CATSPER3: variants seen among roughly 807,000 people sequenced by gnomAD.
The protein encoded by CATSPER3 is cation channel sperm associated 3.
In CATSPER3, 23 loss-of-function variants were observed where a neutral mutation model predicts 36.6. The ratio of observed to expected loss-of-function variants is 0.63; its 90% CI spans 0.45 to 0.89. The LOEUF is 0.89. Ranked by LOEUF, CATSPER3 falls within the 40% of genes least tolerant of loss-of-function variation. The pLI is 0.00. For missense variants in CATSPER3, 474 were observed against 503.9 expected (o/e 0.94, Z 0.57); for synonymous variants, 172 against 184.1 (o/e 0.93, Z 0.53).
At position 135,010,366 on chromosome 5, in the gene CATSPER3, T is replaced by C; in HGVS notation, c.937-7T>C. The C allele has an allele frequency of 6.2e-7, 1 of 1,613,698 alleles. No homozygotes were observed. Among genetic ancestry groups the C allele is most frequent in the Non-Finnish European group, 8.5e-7 (1 of 1,179,596 alleles). Reference sequence around the variant, plus strand: ...TCACTGCTCTCTCGTTATGCTTTCCTCTCTAGAAAAATGCTGACTGCACAA... The same window carrying C: ...TCACTGCTCTCTCGTTATGCTTTCCCCTCTAGAAAAATGCTGACTGCACAA... On this transcript the variant is annotated splice_region_variant and splice_polypyrimidine_tract_variant and intron_variant, in intron 6 of 7. Transcript: ENST00000282611.
At chr5:135,006,851 T>A (rs200706372) in intron 3 of CATSPER3, among the ~76,000 whole-genome samples, 14,609 of 134,586 alleles carry the variant, frequency 0.11, 2,555 homozygotes, top group African/African-American at 0.37. Context: ...AAAAAAAAAA[T>A]AATAATAATA....
chr5:135,006,836 G>GAAAAAAA (rs35478061), intron 3 of CATSPER3, among the ~76,000 whole-genome samples: 1 of 113,000 alleles, frequency 8.8e-6, no homozygotes, highest in African/African-American at 3.9e-5. Flanking sequence ...ACTCCGTCTC[G>GAAAAAAA]AAAAAAAAAA....
rs916975804 is a variant in CATSPER3 at position 135,003,004 on chromosome 5, G to A, written c.493-4953G>A. On this transcript the variant is annotated intron_variant, in intron 3 of 7. Coordinates refer to ENST00000282611, the MANE Select transcript of CATSPER3 (RefSeq NM_178019.3). The stretch of plus-strand genomic sequence containing the variant: ...TGTTCCATTGCTGGTGAGGAGCTGC[G>A]TTCCTTTGGAGGGGGACAGGTGCTC... Among the ~76,000 whole-genome samples, 52 of 152,290 alleles carry A rather than the reference G, an allele frequency of 3.4e-4. 1 individual carries two copies. Among genetic ancestry groups the A allele is most frequent in the Admixed American group, 2.8e-3 (43 of 15,294 alleles).
chr5:135,001,030 T>C (rs1297093058), intron 3 of CATSPER3, among the ~76,000 whole-genome samples: 2 of 152,246 alleles, frequency 1.3e-5, no homozygotes, highest in Admixed American at 1.3e-4. Context: ...GTGTCAATTT[T>C]AGATCTTTCC....
intron 3 of CATSPER3, among the ~76,000 whole-genome samples, chr5:135,006,627 G>A (rs1752088859): frequency 6.6e-6 from 1 of 151,992 alleles, no homozygotes; most frequent in African/African-American, 2.4e-5. Flanking sequence ...ACGAGGTCGG[G>A]AGATCGAGAC....
intron 3 of CATSPER3, among the ~76,000 whole-genome samples, 164 bp from the exon 4 acceptor site, chr5:135,007,789 TCAAC>T (rs1414445602): frequency 6.6e-6 from 1 of 152,086 alleles, no homozygotes; most frequent in African/African-American, 2.4e-5. Flanking sequence ...GTTAGTTTAT[TCAAC>T]CAACCAACCA....
At chr5:134,989,879 G>A (rs188427011) in intron 2 of CATSPER3, among the ~76,000 whole-genome samples, 185 of 152,248 alleles carry the variant, frequency 1.2e-3, no homozygotes, top group Non-Finnish European at 4.1e-4. Flanking sequence ...ATTATTTCTA[G>A]CTTTTGATTT....
intron 2 of CATSPER3, among the ~76,000 whole-genome samples, chr5:134,981,649 C>G (rs1415020797): frequency 6.6e-6 from 1 of 152,152 alleles, no homozygotes; most frequent in South Asian, 2.1e-4. Context: ...GCAACAAAAA[C>G]AAACCATGAG....
chr5:134,984,057 A>G (rs559474603), intron 2 of CATSPER3, among the ~76,000 whole-genome samples: 8 of 152,354 alleles, frequency 5.3e-5, no homozygotes, highest in Admixed American at 1.3e-4. Flanking sequence ...TATTCAATAA[A>G]TGGTGTGGGG....
At chr5:134,971,872 G>C (rs1055705294) in intron 2 of CATSPER3, among the ~76,000 whole-genome samples, 1 of 152,172 alleles carries the variant, frequency 6.6e-6, no homozygotes, top group Non-Finnish European at 1.5e-5. Context: ...CAAAAATCAA[G>C]CTACTGCGTT....
chr5:134,998,059 C>G (rs145651436), intron 3 of CATSPER3, among the ~76,000 whole-genome samples: 20,281 of 152,048 alleles, frequency 0.13, 3,895 homozygotes, highest in African/African-American at 0.43. Context: ...TCTCCTAATA[C>G]TATCCCTCCC....
chr5:134,986,889 A>G (rs1028294766), intron 2 of CATSPER3, among the ~76,000 whole-genome samples: 1 of 152,248 alleles, frequency 6.6e-6, no homozygotes, highest in South Asian at 2.1e-4. Context: ...AGGGAAATTT[A>G]TACCTATAAA....
intron 2 of CATSPER3, among the ~76,000 whole-genome samples, chr5:134,977,446 A>T (rs1340135838): frequency 1.3e-5 from 2 of 152,202 alleles, no homozygotes; most frequent in Non-Finnish European, 2.9e-5. Flanking sequence ...TTGCTAAGGG[A>T]TAACAAGGGT....
intron 3 of CATSPER3, among the ~76,000 whole-genome samples, chr5:134,997,489 G>A (rs891245964): frequency 6.6e-6 from 1 of 151,848 alleles, no homozygotes; most frequent in East Asian, 1.9e-4. Flanking sequence ...TTCCCTGTCC[G>A]TCATTTATGC....
At chr5:134,969,763 A>G in intron 1 of CATSPER3, 176 bp from the exon 2 acceptor site, 1 of 683,718 alleles carries the variant, frequency 1.5e-6, no homozygotes, top group Non-Finnish European at 2.6e-6. Flanking sequence ...ATCCATGATC[A>G]TCATATATAT....
chr5:134,995,228 T>C (rs1325440390), intron 2 of CATSPER3, among the ~76,000 whole-genome samples: 1 of 152,194 alleles, frequency 6.6e-6, no homozygotes, highest in Admixed American at 6.5e-5. Flanking sequence ...TATTGAACAT[T>C]AGGTCTTATT....
At chr5:135,011,403 T>G in intron 7 of CATSPER3, 118 bp from the exon 8 acceptor site, 1 of 766,438 alleles carries the variant, frequency 1.3e-6, no homozygotes, top group Admixed American at 2.0e-5. Flanking sequence ...GGCTCTGAAG[T>G]CCTTGCTCTT....
At chr5:134,972,494 A>G (rs1751619352) in intron 2 of CATSPER3, among the ~76,000 whole-genome samples, 1 of 152,232 alleles carries the variant, frequency 6.6e-6, no homozygotes, top group South Asian at 2.1e-4. Flanking sequence ...TAAAAATTTC[A>G]AAAATAAAGA....
intron 2 of CATSPER3, among the ~76,000 whole-genome samples, chr5:134,990,606 TATAATA>T (rs554500383): frequency 4.1e-4 from 62 of 152,210 alleles, no homozygotes; most frequent in African/African-American, 1.3e-3. Context: ...TCATAACAGA[TATAATA>T]ATAATGAAAA....
Sources: gnomAD v4.1 joint callset for allele counts (sites outside exome capture counted in the v4.1 genomes callset) on GRCh38, gnomAD v4.1.1 for gene constraint, MANE v1.5 for transcripts, NCBI Gene and HGNC (gene_info 2026-07-23, HGNC 2026-07-21) for gene names.